The following PCED1B variants were observed in gnomAD, a reference collection of about 807,000 sequenced individuals.
PCED1B encodes PC-esterase domain containing 1B.
For missense variants in PCED1B, 573 were observed against 573.9 expected (o/e 1.00, Z 0.02); for synonymous variants, 251 against 246.1 (o/e 1.02, Z -0.19).
rs189497423 is a variant in PCED1B, at chr12:47,149,979, T to C, written c.-526+45784T>C. ...TCCCCTCAAGCATTTATAAGATATT[T>C]CTTAATGAAATATGAATTAGATTAA... On this transcript the variant is annotated intron_variant, in intron 2 of 3. Transcript: ENST00000546455. 5.2e-3 allele frequency among the ~76,000 whole-genome samples: 787 copies of C among 152,324 alleles called. 5 individuals are homozygous for C. Among genetic ancestry groups the C allele is most frequent in the Admixed American group, 9.2e-3 (140 of 15,292 alleles).
At chr12:47,158,570 C>T (rs1194476797) in intron 2 of PCED1B, among the ~76,000 whole-genome samples, 2 of 152,080 alleles carry the variant, frequency 1.3e-5, no homozygotes, top group Non-Finnish European at 2.9e-5. Flanking sequence ...TCAGATATAT[C>T]ATTTGCAAAT....
At chr12:47,155,088 T>C (rs1941148218) in intron 2 of PCED1B, among the ~76,000 whole-genome samples, 1 of 152,162 alleles carries the variant, frequency 6.6e-6, no homozygotes, top group South Asian at 2.1e-4. Flanking sequence ...GGAACAGATG[T>C]GTTGCCAGGT....
intron 2 of PCED1B, among the ~76,000 whole-genome samples, chr12:47,183,257 T>A (rs1166835185): frequency 1.3e-5 from 2 of 152,142 alleles, no homozygotes; most frequent in Non-Finnish European, 2.9e-5. Flanking sequence ...GGTAAAGAGG[T>A]GGGCAGAATG....
intron 1 of PCED1B, among the ~76,000 whole-genome samples, chr12:47,088,151 A>G (rs780544554): frequency 6.6e-6 from 1 of 152,232 alleles, no homozygotes; most frequent in Non-Finnish European, 1.5e-5. Context: ...GGTGAACTAT[A>G]AAGCTGTAAA....
chr12:47,191,145 T>C (rs1241552036), intron 2 of PCED1B, among the ~76,000 whole-genome samples: 3 of 152,108 alleles, frequency 2.0e-5, no homozygotes, highest in African/African-American at 7.2e-5. Flanking sequence ...ATGAACATCT[T>C]ACGATTTTTA....
At chr12:47,119,582 A>T (rs942468761) in intron 2 of PCED1B, among the ~76,000 whole-genome samples, 1 of 152,130 alleles carries the variant, frequency 6.6e-6, no homozygotes, top group African/African-American at 2.4e-5. Flanking sequence ...TTCAAAAAAC[A>T]CTATCAGGGA....
intron 2 of PCED1B, among the ~76,000 whole-genome samples, chr12:47,156,936 A>G (rs1257562698): frequency 6.6e-6 from 1 of 152,138 alleles, no homozygotes; most frequent in African/African-American, 2.4e-5. Context: ...ACTTCACAGA[A>G]TTACTGTGAA....
At chr12:47,156,766 G>A (rs571417910) in intron 2 of PCED1B, among the ~76,000 whole-genome samples, 2 of 152,090 alleles carry the variant, frequency 1.3e-5, no homozygotes, top group Non-Finnish European at 2.9e-5. Context: ...ATGTTACCTT[G>A]ATCATAGTTG....
intron 2 of PCED1B, among the ~76,000 whole-genome samples, chr12:47,137,934 T>C (rs532438648): frequency 6.6e-6 from 1 of 152,158 alleles, no homozygotes. Context: ...TTCTTGTCAT[T>C]GAAAAGGACA....
intron 2 of PCED1B, among the ~76,000 whole-genome samples, chr12:47,170,629 T>C (rs1476809355): frequency 6.6e-6 from 1 of 152,246 alleles, no homozygotes; most frequent in Non-Finnish European, 1.5e-5. Flanking sequence ...CTTTGTGATA[T>C]CTCTTTGTCC....
chr12:47,173,130 A>T (rs1305098842), intron 2 of PCED1B, among the ~76,000 whole-genome samples: 1 of 152,256 alleles, frequency 6.6e-6, no homozygotes, highest in East Asian at 1.9e-4. Context: ...TCAGGCATTA[A>T]ATCGGATGAT....
intron 2 of PCED1B, among the ~76,000 whole-genome samples, chr12:47,177,752 G>A (rs1280858227): frequency 6.6e-6 from 1 of 152,168 alleles, no homozygotes; most frequent in Non-Finnish European, 1.5e-5. Context: ...TCAGGAGTTT[G>A]AGACAAGCCT....
chr12:47,221,168 C>T (rs1273532788), intron 3 of PCED1B, among the ~76,000 whole-genome samples: 1 of 151,908 alleles, frequency 6.6e-6, no homozygotes, highest in Non-Finnish European at 1.5e-5. Context: ...TTTTTAAGGA[C>T]TAAGAAAAAT....
intron 1 of PCED1B, among the ~76,000 whole-genome samples, chr12:47,092,152 T>A (rs79740326): frequency 0.028 from 4,281 of 152,178 alleles, 213 homozygotes; most frequent in African/African-American, 0.097. Context: ...CTTTACAATA[T>A]TGAGTCTTCC....
At chr12:47,185,792 C>CAAA (rs58425348) in intron 2 of PCED1B, among the ~76,000 whole-genome samples, 2 of 136,056 alleles carry the variant, frequency 1.5e-5, no homozygotes. Context: ...GACTCAGTCT[C>CAAA]AAAAAAAAAA....
At chr12:47,104,940 G>A (rs1179866544) in intron 2 of PCED1B, among the ~76,000 whole-genome samples, 1 of 152,188 alleles carries the variant, frequency 6.6e-6, no homozygotes, top group Non-Finnish European at 1.5e-5. Flanking sequence ...GTACCATGGA[G>A]ACTGGGCAGG....
chr12:47,137,555 C>T (rs1288047679), intron 2 of PCED1B, among the ~76,000 whole-genome samples: 1 of 151,536 alleles, frequency 6.6e-6, no homozygotes, highest in Non-Finnish European at 1.5e-5. Context: ...ATGGCAAAAC[C>T]CCATCTCTAC....
intron 3 of PCED1B, 46 bp from the exon 4 acceptor site, chr12:47,234,961 C>T (rs79126794): frequency 4.5e-6 from 5 of 1,119,754 alleles, no homozygotes; most frequent in Middle Eastern, 2.6e-4. Flanking sequence ...CTGGGCGCTC[C>T]GCCCAGAGGT....
At position 47,085,624 on chromosome 12, in the gene PCED1B, A is replaced by G. The variant is rs180800688; in HGVS notation, c.-609+5899A>G. On this transcript the variant is annotated intron_variant, in intron 1 of 3. Coordinates refer to ENST00000546455, the MANE Select transcript of PCED1B (RefSeq NM_138371.3). ...CAAAGCAAAAAAATTACAAAATGGT[A>G]TGGTTCCAGTTTTTGTAAAAGAAAA... Among the ~76,000 whole-genome samples the G allele has an allele frequency of 3.0e-4, 45 of 152,302 alleles. 1 individual carries two copies. In the East Asian group the frequency reaches 8.1e-3, roughly 27 times the overall value.
Sources: gnomAD v4.1 joint callset for allele counts (sites outside exome capture counted in the v4.1 genomes callset) on GRCh38, gnomAD v4.1.1 for gene constraint, MANE v1.5 for transcripts, NCBI Gene and HGNC (gene_info 2026-07-23, HGNC 2026-07-21) for gene names.